Variants in ANKRD62 observed in about 807,000 individuals in gnomAD.
ANKRD62 encodes the protein ankyrin repeat domain 62.
In ANKRD62, 61 loss-of-function variants were observed where a neutral mutation model predicts 98.8. The ratio of observed to expected loss-of-function variants is 0.62; its 90% CI spans 0.50 to 0.76. ANKRD62 has a LOEUF of 0.76. Ranked by LOEUF, ANKRD62 falls within the 30% of genes least tolerant of loss-of-function variation. The probability of loss-of-function intolerance (pLI) is 0.00; values close to 1 mark genes in which losing one functional copy is unlikely to be tolerated. For missense variants in ANKRD62, 933 were observed against 1,082.9 expected, an observed-to-expected ratio of 0.86 and a Z score of 1.94; for synonymous variants, 341 against 367.9, an observed-to-expected ratio of 0.93 and a Z score of 0.84.
chr18:12,128,278 T>C lies in ANKRD62; in HGVS notation c.*339T>C, dbSNP rs1351580944. On this transcript the variant is annotated 3_prime_UTR_variant, in exon 14 of 14. Transcript: ENST00000587848. ...TTCAGAAAATTTTCTTTTTTTAATC[T>C]CTACTTTTCTGTGTGAATAAAGACT... The C allele has an allele frequency of 6.5e-6, 1 of 154,504 alleles. No individual in the cohort carries two copies. 9.6% of individuals were successfully genotyped at this position (154,504 alleles called of 1,614,324 possible).
At chr18:12,156,318 T>C in the ANKRD62 span, among the ~76,000 whole-genome samples, 1 of 152,104 alleles carries the variant, frequency 6.6e-6, no homozygotes, top group African/African-American at 2.4e-5. Flanking sequence ...ACTAACACAA[T>C]AGGTATTTCA....
the ANKRD62 span, among the ~76,000 whole-genome samples, chr18:12,161,284 C>A: frequency 6.6e-6 from 1 of 152,050 alleles, no homozygotes; most frequent in Admixed American, 6.6e-5. Flanking sequence ...TACAAAATTT[C>A]TTGGAAATTT....
downstream of ANKRD62, among the ~76,000 whole-genome samples, chr18:12,130,497 A>G (rs944533451): frequency 1.1e-4 from 16 of 152,342 alleles, no homozygotes; most frequent in Non-Finnish European, 2.2e-4. Flanking sequence ...TTTCTAGAAT[A>G]TCCCTTGTCC....
chr18:12,127,312 G>T (rs4239305), intron 13 of ANKRD62, among the ~76,000 whole-genome samples: 94,915 of 151,912 alleles, frequency 0.62, 30,117 homozygotes, highest in Middle Eastern at 0.76. Context: ...GCCATTGGAA[G>T]GTTAGTTTTC....
the ANKRD62 span, among the ~76,000 whole-genome samples, chr18:12,174,276 C>T: frequency 6.6e-6 from 1 of 152,138 alleles, no homozygotes; most frequent in Non-Finnish European, 1.5e-5. Context: ...CTTTCCTCCA[C>T]TTGGTCTGTT....
At chr18:12,112,775 C>T (rs1417852898) in intron 8 of ANKRD62, among the ~76,000 whole-genome samples, 3 of 152,318 alleles carry the variant, frequency 2.0e-5, no homozygotes, top group Middle Eastern at 3.4e-3. Context: ...ACTGAACAGA[C>T]GACCTCCACA....
At chr18:12,108,784 A>G (rs1056933783) in intron 8 of ANKRD62, among the ~76,000 whole-genome samples, 1 of 152,212 alleles carries the variant, frequency 6.6e-6, no homozygotes, top group African/African-American at 2.4e-5. Context: ...TTCCCATTCC[A>G]AATGGGAGAA....
chr18:12,167,570 A>G, the ANKRD62 span, among the ~76,000 whole-genome samples: 38 of 152,180 alleles, frequency 2.5e-4, no homozygotes, highest in Non-Finnish European at 4.3e-4. Flanking sequence ...AGTCTTTACT[A>G]TTGTGAATAG....
intron 1 of ANKRD62, among the ~76,000 whole-genome samples, chr18:12,094,732 C>CTG (rs1200947846): frequency 4.0e-4 from 13 of 32,442 alleles, no homozygotes; most frequent in East Asian, 9.8e-4. Context: ...GGGTGGGAGA[C>CTG]TGGTGGGAAG....
intron 8 of ANKRD62, among the ~76,000 whole-genome samples, chr18:12,109,778 A>T (rs1199141612): frequency 6.6e-6 from 1 of 152,170 alleles, no homozygotes; most frequent in Non-Finnish European, 1.5e-5. Context: ...AGAACCAGAT[A>T]GTAACAATTT....
At chr18:12,112,504 T>C (rs1489719091) in intron 8 of ANKRD62, among the ~76,000 whole-genome samples, 1 of 152,210 alleles carries the variant, frequency 6.6e-6, no homozygotes, top group East Asian at 1.9e-4. Flanking sequence ...GATAACTGGC[T>C]AGCCATATGC....
chr18:12,125,700 G>GT lies in ANKRD62; in HGVS notation c.1881dup (p.Leu628SerfsTer4). On this transcript the variant is annotated frameshift_variant, in exon 13 of 14. Coordinates refer to ENST00000587848, the MANE Select transcript of ANKRD62 (RefSeq NM_001277333.2). LOFTEE classifies it high-confidence loss of function. ...AACCCGGTATAGTAAAGAGCTTAAT[G>GT]TTCTGATGGATGAGAATACAATGCT... 1 of 1,540,094 alleles carries GT rather than the reference G, an allele frequency of 6.5e-7. No homozygotes were observed. The highest frequency in any genetic ancestry group is 8.7e-7 in the Non-Finnish European group (1 of 1,146,874).
intron 8 of ANKRD62, among the ~76,000 whole-genome samples, chr18:12,113,751 CAA>C (rs2143915885): frequency 6.6e-6 from 1 of 152,330 alleles, no homozygotes; most frequent in South Asian, 2.1e-4. Flanking sequence ...GGCATTTCCT[CAA>C]AGACAGAAGT....
chr18:12,128,061 C>T lies in ANKRD62; in HGVS notation c.*122C>T. On this transcript the variant is annotated 3_prime_UTR_variant, in exon 14 of 14. Coordinates refer to ENST00000587848, the MANE Select transcript of ANKRD62 (RefSeq NM_001277333.2). ...CTTTATAATACATCCATTTCTCAAT[C>T]TCTGCCATGTTTTATAATTATAAAT... 1 of 527,152 alleles carries T rather than the reference C, an allele frequency of 1.9e-6. No homozygotes were observed. Among genetic ancestry groups the T allele is most frequent in the Non-Finnish European group, 2.9e-6 (1 of 349,546 alleles). 32.7% of individuals were successfully genotyped at this position (527,152 alleles called of 1,614,324 possible). A position where few individuals can be genotyped will look rare whatever the true frequency, so the allele number is the denominator to read the frequency against.
the ANKRD62 span, among the ~76,000 whole-genome samples, chr18:12,163,001 C>T: frequency 6.6e-6 from 1 of 152,002 alleles, no homozygotes; most frequent in South Asian, 2.1e-4. Flanking sequence ...TGTTCTGGGT[C>T]TTTTGTGGCT....
chr18:12,109,532 A>C (rs1187448890), intron 8 of ANKRD62, among the ~76,000 whole-genome samples: 1 of 152,212 alleles, frequency 6.6e-6, no homozygotes, highest in African/African-American at 2.4e-5. Flanking sequence ...AGGAAGCTAC[A>C]TGCTATGTTG....
At chr18:12,119,786 T>TAGAA (rs1419549755) in intron 10 of ANKRD62, among the ~76,000 whole-genome samples, 2 of 152,068 alleles carry the variant, frequency 1.3e-5, no homozygotes, top group African/African-American at 4.8e-5. Context: ...TTTCTTAAGG[T>TAGAA]AGAAGTCAGG....
chr18:12,106,672 A>G (rs1340061170), intron 7 of ANKRD62, among the ~76,000 whole-genome samples: 2 of 152,188 alleles, frequency 1.3e-5, no homozygotes, highest in East Asian at 3.8e-4. Context: ...AAATTGGGGA[A>G]GCATCTCATT....
chr18:12,138,624 C>A, the ANKRD62 span, among the ~76,000 whole-genome samples: 1 of 152,156 alleles, frequency 6.6e-6, no homozygotes, highest in African/African-American at 2.4e-5. Context: ...TCTCGTTGAT[C>A]TGTCTAATGT....
Sources: gnomAD v4.1 joint callset for allele counts (sites outside exome capture counted in the v4.1 genomes callset) on GRCh38, gnomAD v4.1.1 for gene constraint, MANE v1.5 for transcripts, NCBI Gene and HGNC (gene_info 2026-07-23, HGNC 2026-07-21) for gene names.